SYTL2: variants seen among roughly 807,000 people sequenced by gnomAD.
The protein encoded by SYTL2 is synaptotagmin-like protein 2.
SYTL2 carries 165 observed loss-of-function variants against 198.7 expected under a neutral mutation model. The ratio of observed to expected loss-of-function variants is 0.83; its 90% confidence interval spans 0.73 to 0.94. SYTL2 has a LOEUF of 0.94. Ranked by LOEUF, SYTL2 falls within the 40% of genes least tolerant of loss-of-function variation. The pLI, the probability that SYTL2 is intolerant of heterozygous loss-of-function variation, is 0.00. For missense variants in SYTL2, 2,835 were observed against 2,582.8 expected, an observed-to-expected ratio of 1.10 and a Z score of -2.12; for synonymous variants, 966 against 917.7, an observed-to-expected ratio of 1.05 and a Z score of -0.95.
rs1415118812 is a variant in SYTL2, at chr11:85,711,229, C to T, written c.5629G>A (p.Asp1877Asn). 4.3e-6 allele frequency: 7 copies of T among 1,613,638 alleles called. No homozygotes were observed. Among genetic ancestry groups the T allele is most frequent in the Non-Finnish European group, 5.1e-6 (6 of 1,179,810 alleles). The change falls in exon 13 of 20, where the codon GAT (aspartate) becomes AAT (asparagine). Residue 1877 changes from aspartate (D) to asparagine (N), a missense_variant. Asp to Asn is a conservative substitution (Grantham distance 23). Coordinates refer to ENST00000359152, the MANE Select transcript of SYTL2 (RefSeq NM_206927.4). ...GATGCTGTATCTGTTTCTCTGTCAT[C>T]ACTCTACAAAACAGCATATAATATG... ...SVPAFLQDESDDRETDTASES... is the reference protein window; with the variant it reads ...SVPAFLQDESNDRETDTASES...
the SYTL2 span, among the ~76,000 whole-genome samples, chr11:85,844,318 G>A: frequency 0.024 from 3,714 of 152,286 alleles, 72 homozygotes; most frequent in Non-Finnish European, 0.04. Flanking sequence ...CATATGAAGC[G>A]TGTAGGGAGT....
intron 1 of SYTL2, among the ~76,000 whole-genome samples, chr11:85,763,683 C>T (rs1385762912): frequency 6.0e-5 from 9 of 149,164 alleles, no homozygotes; most frequent in African/African-American, 1.7e-4. Flanking sequence ...AGTCCCATGA[C>T]ATCAAGAATG....
In SYTL2 at chr11:85,725,084, G is replaced by C. The variant is rs2088935634; in HGVS notation, c.4274C>G (p.Thr1425Ser). 1.2e-6 allele frequency: 2 copies of C among 1,614,016 alleles called. No individual in the cohort carries two copies. The highest frequency in any genetic ancestry group is 2.7e-5 in the African/African-American group (2 of 74,916). ...GVISPWATMD[T>S]IVPDRKDFYS... ...AAAATCCTTCCTGTCTGGAACTATGGTGTCCATCGTAGCCCATGGTGATAT... is the reference window on the plus strand; with the variant it reads ...AAAATCCTTCCTGTCTGGAACTATGCTGTCCATCGTAGCCCATGGTGATAT... The change falls in exon 8 of 20, where the codon ACC becomes AGC. Residue 1425 changes from threonine (T) to serine (S), a missense_variant. Thr to Ser is a moderately conservative substitution (Grantham distance 58, BLOSUM62 1). Coordinates refer to ENST00000359152, the MANE Select transcript of SYTL2 (RefSeq NM_206927.4).
chr11:85,764,783 A>T (rs888157823), intron 1 of SYTL2, among the ~76,000 whole-genome samples: 19 of 152,208 alleles, frequency 1.2e-4, no homozygotes, highest in Non-Finnish European at 1.8e-4. Context: ...GATAGAGGGG[A>T]AAAAAGGCAT....
upstream of SYTL2, among the ~76,000 whole-genome samples, chr11:85,816,121 C>T (rs1239291044): frequency 2.6e-5 from 4 of 152,026 alleles, no homozygotes; most frequent in East Asian, 1.9e-4. Flanking sequence ...GCCGAGATCA[C>T]GCCACTGCAT....
rs1242679266 is a variant in SYTL2 at position 85,748,402 on chromosome 11, C to G, written c.123G>C (p.Lys41Asn). 2 of 1,613,798 alleles carry G rather than the reference C, an allele frequency of 1.2e-6. No homozygotes were observed. The highest frequency in any genetic ancestry group is 1.3e-5 in the African/African-American group (1 of 75,008). The change falls in exon 3 of 20, where the codon AAG becomes AAC. Residue 41 changes from lysine to asparagine, a missense_variant. Physicochemically the swap from Lys to Asn is moderately conservative, Grantham distance 94. Around this residue, in one of 3 missense-constraint regions of SYTL2, gnomAD observed 2,645 missense variants for 2,381.7 expected, o/e 1.11. Transcript: ENST00000359152. ...ERVRHLPEKI[K>N]DDQQLKNMSG... ...TCATATTCTTCAGCTGCTGGTCATC[C>G]TTAATTTTTTCAGGCAAATGTCTAC...
chr11:85,817,153 G>A, the SYTL2 span, among the ~76,000 whole-genome samples: 2 of 152,194 alleles, frequency 1.3e-5, no homozygotes, highest in East Asian at 3.8e-4. Flanking sequence ...GACAAAGTGA[G>A]ATCCTGGTAG....
At chr11:85,811,487 G>A (rs940335848), upstream of SYTL2, among the ~76,000 whole-genome samples, 6 of 152,188 alleles carry the variant, frequency 3.9e-5, no homozygotes, top group African/African-American at 1.2e-4. Context: ...GAGCCCGAGA[G>A]TGTGGAGCAC....
intron 1 of SYTL2, among the ~76,000 whole-genome samples, chr11:85,763,514 C>T (rs1044703099): frequency 1.3e-5 from 2 of 152,158 alleles, no homozygotes; most frequent in African/African-American, 4.8e-5. Context: ...AAATTTCCTT[C>T]CCAGCAGGCT....
At chr11:85,813,322 G>C (rs2093057341), upstream of SYTL2, among the ~76,000 whole-genome samples, 1 of 151,840 alleles carries the variant, frequency 6.6e-6, no homozygotes, top group South Asian at 2.1e-4. Context: ...ATTTGTTAGA[G>C]AGAAAATAAT....
At chr11:85,829,321 G>C in the SYTL2 span, among the ~76,000 whole-genome samples, 1 of 152,164 alleles carries the variant, frequency 6.6e-6, no homozygotes, top group African/African-American at 2.4e-5. Flanking sequence ...ATAAGTGATA[G>C]CATGCAGTTC....
At chr11:85,709,972 C>T (rs553464788) in intron 13 of SYTL2, among the ~76,000 whole-genome samples, 36 of 152,154 alleles carry the variant, frequency 2.4e-4, no homozygotes, top group Non-Finnish European at 3.1e-4. Flanking sequence ...CATGAGCCAC[C>T]GCGCCCAGCC....
intron 1 of SYTL2, among the ~76,000 whole-genome samples, chr11:85,776,775 T>C (rs1278697822): frequency 6.6e-6 from 1 of 152,230 alleles, no homozygotes; most frequent in Non-Finnish European, 1.5e-5. Context: ...AGTAATGGGA[T>C]TGCTGGGTCA....
the SYTL2 span, among the ~76,000 whole-genome samples, chr11:85,834,760 CTT>C: frequency 1.9e-4 from 28 of 146,664 alleles, no homozygotes; most frequent in Middle Eastern, 3.6e-3. Flanking sequence ...TTTTCTTTTT[CTT>C]TTTTTTTTTT....
intron 1 of SYTL2, among the ~76,000 whole-genome samples, chr11:85,794,438 C>G (rs2153633379): frequency 6.6e-6 from 1 of 152,176 alleles, no homozygotes; most frequent in East Asian, 1.9e-4. Context: ...CTCAGCCTCC[C>G]AAAGTGCTGG....
At chr11:85,717,356 C>G (rs967937101) in intron 11 of SYTL2, 127 bp downstream of exon 11, 20 of 737,440 alleles carry the variant, frequency 2.7e-5, no homozygotes, top group Non-Finnish European at 4.2e-5. Context: ...AATGAAATAG[C>G]TTTGCAAGCT....
intron 10 of SYTL2, 154 bp from the exon 11 acceptor site, chr11:85,717,684 C>A (rs1196469590): frequency 4.3e-6 from 3 of 700,668 alleles, no homozygotes; most frequent in Non-Finnish European, 5.2e-6. Flanking sequence ...CACTGTGACT[C>A]TTCTTCATTA....
intron 1 of SYTL2, among the ~76,000 whole-genome samples, chr11:85,764,103 A>G (rs2092173335): frequency 6.6e-6 from 1 of 152,220 alleles, no homozygotes; most frequent in Non-Finnish European, 1.5e-5. Flanking sequence ...AGTTCTTCAC[A>G]TTGGCTACAT....
chr11:85,738,903 T>C (rs557004301), intron 4 of SYTL2, among the ~76,000 whole-genome samples: 129 of 152,296 alleles, frequency 8.5e-4, no homozygotes, highest in African/African-American at 3.0e-3. Flanking sequence ...AGAGTGTCTA[T>C]ATCCTTCTCC....
Sources: gnomAD v4.1 joint callset for allele counts (sites outside exome capture counted in the v4.1 genomes callset) on GRCh38, gnomAD v4.1.1 for gene constraint, gnomAD v4.1.1 regional missense constraint, MANE v1.5 for transcripts, NCBI Gene and HGNC (gene_info 2026-07-23, HGNC 2026-07-21) for gene names.